CCDC15: variants seen among roughly 807,000 people sequenced by gnomAD.
CCDC15 encodes coiled-coil domain-containing protein 15.
In CCDC15, 105 loss-of-function variants were observed where a neutral mutation model predicts 114.5. The ratio of observed to expected loss-of-function variants is 0.92; its 90% CI spans 0.78 to 1.08. The LOEUF (loss-of-function observed/expected upper bound fraction) is 1.08. CCDC15 is among the 50% of genes least tolerant of loss of function. The probability of loss-of-function intolerance (pLI) is 0.00; values close to 1 mark genes in which losing one functional copy is unlikely to be tolerated. For missense variants in CCDC15, 1,105 were observed against 1,093.6 expected, an observed-to-expected ratio of 1.01 and a Z score of -0.15; for synonymous variants, 334 against 377.8, an observed-to-expected ratio of 0.88 and a Z score of 1.34.
intron 8 of CCDC15, among the ~76,000 whole-genome samples, chr11:124,990,689 A>T (rs980494884): frequency 3.3e-5 from 5 of 152,164 alleles, no homozygotes; most frequent in Non-Finnish European, 5.9e-5. Flanking sequence ...TTTTTATTCA[A>T]TTTTTTAAAT....
At chr11:124,977,743 T>C in intron 6 of CCDC15, 143 bp downstream of exon 6, 2 of 815,190 alleles carry the variant, frequency 2.5e-6, no homozygotes, top group Non-Finnish European at 3.4e-6. Context: ...ACCATACAAT[T>C]CACCCATTTA....
At chr11:125,030,745 G>A (rs1206137290) in intron 13 of CCDC15, among the ~76,000 whole-genome samples, 1 of 152,172 alleles carries the variant, frequency 6.6e-6, no homozygotes, top group Non-Finnish European at 1.5e-5. Flanking sequence ...GGCAGTCCAT[G>A]TTGCTGAGCC....
At chr11:125,016,299 C>A (rs893272476) in intron 13 of CCDC15, among the ~76,000 whole-genome samples, 4 of 150,732 alleles carry the variant, frequency 2.7e-5, no homozygotes, top group African/African-American at 7.4e-5. Flanking sequence ...TTTTTCCTCA[C>A]ATGCTTTTTT....
rs1379644600 is a variant in CCDC15 at position 124,987,859 on chromosome 11, C to T, written c.1633C>T (p.His545Tyr). Reference sequence around the variant, plus strand: ...CCAGGACTTTTTATCTAGAGACCAGCATGTTCTCCCCAAAGACTGGAATAT... The same window carrying T: ...CCAGGACTTTTTATCTAGAGACCAGTATGTTCTCCCCAAAGACTGGAATAT... ...KDQDFLSRDQHVLPKDWNILP... is the reference protein window; with the variant it reads ...KDQDFLSRDQYVLPKDWNILP... The change falls in exon 8 of 16, where the codon CAT (histidine) becomes TAT (tyrosine). Residue 545 changes from histidine (H) to tyrosine (Y), a missense_variant. Transcript: ENST00000344762. The T allele has an allele frequency of 1.2e-6, 2 of 1,613,894 alleles. No homozygotes were observed. The highest frequency in any genetic ancestry group is 1.7e-6 in the Non-Finnish European group (2 of 1,179,852).
rs145493590 is a variant in CCDC15 at position 125,008,143 on chromosome 11, C to T, written c.2411+2931C>T. On this transcript the variant is annotated intron_variant, in intron 13 of 15. Transcript: ENST00000344762. Reference sequence around the variant, plus strand: ...AACTGACATCTTGACAATATTGAGTCTTTCTATCCATGACCATAGATGATC... The same window carrying T: ...AACTGACATCTTGACAATATTGAGTTTTTCTATCCATGACCATAGATGATC... Among the ~76,000 whole-genome samples, 1,075 of 152,240 alleles carry T rather than the reference C, an allele frequency of 7.1e-3. 12 individuals carry two copies. Among genetic ancestry groups the T allele is most frequent in the African/African-American group, 0.025 (1,028 of 41,540 alleles).
In CCDC15 at chr11:124,991,896, C is replaced by T. The variant is rs186101389; in HGVS notation, c.2031+313C>T. On this transcript the variant is annotated intron_variant, in intron 9 of 15. Transcript: ENST00000344762. ...ATGGGGTTTCAACATGTTGGCCAGG[C>T]GGGTCTCGAACTCCTGACCTCAGGT... 3.5e-3 allele frequency among the ~76,000 whole-genome samples: 526 copies of T among 152,222 alleles called. 1 individual carries two copies. Among genetic ancestry groups the T allele is most frequent in the African/African-American group, 0.012 (502 of 41,546 alleles).
chr11:124,966,350 G>C, intron 4 of CCDC15, among the ~76,000 whole-genome samples: 1 of 152,206 alleles, frequency 6.6e-6, no homozygotes, highest in Non-Finnish European at 1.5e-5. Flanking sequence ...ATACATTTAG[G>C]ATAGTTAGCT....
chr11:125,001,676 C>T (rs1199017933), intron 11 of CCDC15, among the ~76,000 whole-genome samples: 1 of 152,198 alleles, frequency 6.6e-6, no homozygotes, highest in Non-Finnish European at 1.5e-5. Flanking sequence ...TCGTGACTGG[C>T]TTCTTTCACT....
chr11:124,994,733 A>T (rs1948334682), intron 11 of CCDC15, among the ~76,000 whole-genome samples: 1 of 152,078 alleles, frequency 6.6e-6, no homozygotes, highest in African/African-American at 2.4e-5. Flanking sequence ...GGGGGCATTG[A>T]GTTAAGATCT....
In CCDC15 at chr11:125,040,656, G is replaced by A. The variant is rs761043401; in HGVS notation, c.2801G>A (p.Arg934Gln). The A allele has an allele frequency of 2.5e-6, 4 of 1,611,676 alleles. No homozygotes were observed. Among genetic ancestry groups the A allele is most frequent in the South Asian group, 1.1e-5 (1 of 90,594 alleles). The stretch of plus-strand genomic sequence containing the variant: ...GTCCCTGGGGGTAATTCAACTCTTC[G>A]AGTCGCAATTCATAATTTTGCTTCT... The part of the protein sequence containing the change: ...CDVPGGNSTL[R>Q]VAIHNFASAH... The change falls in exon 16 of 16, where the codon CGA (arginine) becomes CAA (glutamine). Residue 934 changes from arginine to glutamine, a missense_variant. Coordinates refer to ENST00000344762, the MANE Select transcript of CCDC15 (RefSeq NM_025004.3).
intron 6 of CCDC15, 65 bp from the exon 7 acceptor site, chr11:124,986,677 G>GTGTGTGTGTGTGTT: frequency 7.3e-7 from 1 of 1,373,574 alleles, no homozygotes; most frequent in Non-Finnish European, 9.7e-7. Context: ...CTGTGTGTGT[G>GTGTGTGTGTGTGTT]TGTGTGTGTG....
chr11:124,964,227 T>C (rs1008525117), intron 4 of CCDC15, among the ~76,000 whole-genome samples: 1 of 152,198 alleles, frequency 6.6e-6, no homozygotes, highest in African/African-American at 2.4e-5. Context: ...ATAAATTACC[T>C]TGGGCAGTAT....
Position 125,038,939 on chromosome 11 carries a change from A to G in CCDC15, c.2604A>G (p.Arg868=), listed in dbSNP as rs775077714. 1 of 1,613,306 alleles carries G rather than the reference A, an allele frequency of 6.2e-7. No homozygotes were observed. Among genetic ancestry groups the G allele is most frequent in the South Asian group, 1.1e-5 (1 of 90,976 alleles). Reference sequence around the variant, plus strand: ...TGTACAGATATGTAGAAGCTTTACGAGCCCAAATCCAGGAGAAAATGCAGC... The same window carrying G: ...TGTACAGATATGTAGAAGCTTTACGGGCCCAAATCCAGGAGAAAATGCAGC... ...KEYLRYVEAL[R]AQIQEKMQLY... Residue 868 remains arginine (R), a synonymous_variant, in exon 15 of 16, where the codon CGA becomes CGG. Transcript: ENST00000344762.
intron 6 of CCDC15, among the ~76,000 whole-genome samples, chr11:124,979,747 A>G (rs539127848): frequency 6.6e-6 from 1 of 151,990 alleles, no homozygotes; most frequent in Non-Finnish European, 1.5e-5. Flanking sequence ...TCCTACTTGG[A>G]TGTCATTTTT....
chr11:124,980,108 C>T (rs964277719), intron 6 of CCDC15, among the ~76,000 whole-genome samples: 5 of 152,134 alleles, frequency 3.3e-5, no homozygotes, highest in African/African-American at 1.2e-4. Context: ...ACCAACCTTG[C>T]ATCCCAGGGA....
At chr11:124,971,627 T>C (rs1449383691) in intron 4 of CCDC15, among the ~76,000 whole-genome samples, 1 of 144,180 alleles carries the variant, frequency 6.9e-6, no homozygotes, top group Non-Finnish European at 1.5e-5. Context: ...AGGGATATTG[T>C]CTGGGATTTT....
intron 6 of CCDC15, among the ~76,000 whole-genome samples, chr11:124,979,489 GCCTTTCAC>G (rs2135466917): frequency 6.6e-6 from 1 of 152,118 alleles, no homozygotes; most frequent in East Asian, 1.9e-4. Context: ...TATTGTAGAG[GCCTTTCAC>G]CTCCTTAGTT....
At chr11:125,034,446 C>T (rs1948761933) in intron 13 of CCDC15, among the ~76,000 whole-genome samples, 1 of 152,292 alleles carries the variant, frequency 6.6e-6, no homozygotes, top group Middle Eastern at 3.4e-3. Flanking sequence ...ATCTCTTTCT[C>T]TTCAGGAGAT....
At chr11:124,957,815 A>T (rs1466866920) in intron 2 of CCDC15, among the ~76,000 whole-genome samples, 2 of 152,338 alleles carry the variant, frequency 1.3e-5, no homozygotes, top group African/African-American at 4.8e-5. Flanking sequence ...CAGCCTGTAA[A>T]ATGATCTGAG....
Sources: gnomAD v4.1 joint callset for allele counts (sites outside exome capture counted in the v4.1 genomes callset) on GRCh38, gnomAD v4.1.1 for gene constraint, MANE v1.5 for transcripts, NCBI Gene and HGNC (gene_info 2026-07-23, HGNC 2026-07-21) for gene names.